The following DDO variants were observed in gnomAD, a reference collection of about 807,000 sequenced individuals.
The protein encoded by DDO is D-aspartate oxidase.
A neutral mutation model predicts 16.8 loss-of-function variants in DDO; 16 were observed. The ratio of observed to expected loss-of-function variants is 0.95; its 90% CI spans 0.65 to 1.45. DDO has a LOEUF of 1.45. Among genes scored for constraint, DDO ranks in the 40% most tolerant of loss-of-function variants. The probability of loss-of-function intolerance (pLI) is 0.00; values close to 1 mark genes in which losing one functional copy is unlikely to be tolerated. For synonymous variants in DDO, 180 were observed against 167.2 expected (o/e 1.08, Z -0.59); for missense variants, 429 against 420.3 (o/e 1.02, Z -0.18).
At chr6:110,405,094 T>C in intron 3 of DDO, 144 bp from the exon 4 acceptor site, 1 of 815,818 alleles carries the variant, frequency 1.2e-6, no homozygotes, top group South Asian at 1.9e-5. Flanking sequence ...GGGAGTGCAG[T>C]GGCACAATCA....
chr6:110,398,659 G>A (rs1401385428), intron 4 of DDO, among the ~76,000 whole-genome samples: 1 of 152,180 alleles, frequency 6.6e-6, no homozygotes, highest in Non-Finnish European at 1.5e-5. Flanking sequence ...GGCTAATGAT[G>A]GTGCTGAGGA....
chr6:110,391,016 A>T (rs1773089117), downstream of DDO, among the ~76,000 whole-genome samples: 1 of 152,216 alleles, frequency 6.6e-6, no homozygotes, highest in Admixed American at 6.5e-5. Context: ...TCTGAATCTG[A>T]TACAACACCA....
Position 110,404,916 on chromosome 6 carries a change from C to G in DDO, c.316G>C (p.Val106Leu). 6.2e-7 allele frequency: 1 copy of G among 1,614,222 alleles called. No individual in the cohort carries two copies. Among genetic ancestry groups the G allele is most frequent in the Non-Finnish European group, 8.5e-7 (1 of 1,180,040 alleles). The change falls in exon 4 of 5, where the codon GTG becomes CTG. Residue 106 changes from valine (V) to leucine (L), a missense_variant. Coordinates refer to ENST00000368924, the MANE Select transcript of DDO (RefSeq NM_001372108.2). ...AGAACCACGTCAGCCCAGAATGGCA[C>G]TTCTTCAGTCGGAGTGCTCTGAAAT... ...QIFQSTPTEEVPFWADVVLGF... is the reference protein window; with the variant it reads ...QIFQSTPTEELPFWADVVLGF...
At position 110,408,241 on chromosome 6, in the gene DDO, C is replaced by T. The variant is rs924272722; in HGVS notation, c.281+93G>A. On this transcript the variant is annotated intron_variant, in intron 3 of 4. Coordinates refer to ENST00000368924, the MANE Select transcript of DDO (RefSeq NM_001372108.2). Reference sequence around the variant, plus strand: ...CCTGCATCTAAGTCAGCACTCTGCTCACAACAGCTACTCAGTAAATATTTT... The same window carrying T: ...CCTGCATCTAAGTCAGCACTCTGCTTACAACAGCTACTCAGTAAATATTTT... 9.9e-6 allele frequency: 12 copies of T among 1,209,592 alleles called. 1 individual carries two copies. The African/African-American group carries it at 1.8e-4, about 18-fold the overall frequency. 74.9% of individuals were successfully genotyped at this position (1,209,592 alleles called of 1,614,324 possible). A position where few individuals can be genotyped will look rare whatever the true frequency, so the allele number is the denominator to read the frequency against.
In DDO at chr6:110,411,151, C is replaced by G. The variant is rs1036331045; in HGVS notation, c.172+2140G>C. On this transcript the variant is annotated intron_variant, in intron 2 of 4. Coordinates refer to ENST00000368924, the MANE Select transcript of DDO (RefSeq NM_001372108.2). ...ACATGGAACCCTCTTCCCTGGGAAA[C>G]AGGACCCGCCCAAGAAGAAAAACTT... Among the ~76,000 whole-genome samples, 47 of 152,112 alleles carry G rather than the reference C, an allele frequency of 3.1e-4. 2 individuals carry two copies. The highest frequency in any genetic ancestry group is 2.9e-5 in the Non-Finnish European group (2 of 68,012).
chr6:110,388,733 C>G, downstream of DDO: 2 of 917,152 alleles, frequency 2.2e-6, no homozygotes, highest in Non-Finnish European at 1.3e-6. Context: ...GTCACAGACA[C>G]AGCAGGCAGA....
intron 4 of DDO, 112 bp downstream of exon 4, chr6:110,404,662 C>T (rs894525509): frequency 3.4e-5 from 41 of 1,207,512 alleles, no homozygotes; most frequent in Non-Finnish European, 4.7e-5. Context: ...CAAGGCAACG[C>T]GAAAGAGCTC....
chr6:110,408,558 TAAG>T (rs1773739550), intron 2 of DDO, 116 bp from the exon 3 acceptor site: 1 of 820,650 alleles, frequency 1.2e-6, no homozygotes, highest in South Asian at 1.7e-5. Context: ...AAAAATAAAA[TAAG>T]GAGGCAGGGA....
chr6:110,409,316 G>T (rs550721083), intron 2 of DDO, among the ~76,000 whole-genome samples: 2 of 152,216 alleles, frequency 1.3e-5, no homozygotes, highest in African/African-American at 4.8e-5. Flanking sequence ...GTATGTGGCC[G>T]TCTGATTCCT....
At chr6:110,407,248 A>G (rs1034079071) in intron 3 of DDO, among the ~76,000 whole-genome samples, 1 of 152,214 alleles carries the variant, frequency 6.6e-6, no homozygotes, top group East Asian at 1.9e-4. Flanking sequence ...GGATTTGGAC[A>G]AAGAGTGTGA....
chr6:110,410,123 G>A (rs1433152849), intron 2 of DDO, among the ~76,000 whole-genome samples: 1 of 152,258 alleles, frequency 6.6e-6, no homozygotes, highest in African/African-American at 2.4e-5. Flanking sequence ...ACAGGAGATA[G>A]TTATGACTGG....
intron 4 of DDO, among the ~76,000 whole-genome samples, chr6:110,395,713 G>A (rs1487574414): frequency 2.0e-5 from 3 of 152,196 alleles, no homozygotes; most frequent in African/African-American, 7.2e-5. Flanking sequence ...TTCTGCAATG[G>A]TGGTCAATGA....
intron 2 of DDO, among the ~76,000 whole-genome samples, chr6:110,410,382 G>A (rs796304558): frequency 3.1e-4 from 47 of 152,340 alleles, no homozygotes; most frequent in African/African-American, 1.1e-3. Context: ...CTGGAAAATG[G>A]TCCCAAGAAC....
At chr6:110,389,237 C>G (rs1368763884), downstream of DDO, among the ~76,000 whole-genome samples, 1 of 152,202 alleles carries the variant, frequency 6.6e-6, no homozygotes, top group Non-Finnish European at 1.5e-5. Context: ...GGCCTTCAGA[C>G]TTACTCCACT....
In DDO at chr6:110,393,065, G is replaced by A; in HGVS notation, c.736C>T (p.Pro246Ser). 6.2e-7 allele frequency: 1 copy of A among 1,613,292 alleles called. No homozygotes were observed. The highest frequency in any genetic ancestry group is 8.5e-7 in the Non-Finnish European group (1 of 1,179,224). ...ATCTCTCTGCTATTTTCTGCATCCG[G>A]GGACAGATTCCAGTCCCCTTTTTGC... ...TRQKGDWNLS[P>S]DAENSREILS... The change falls in exon 5 of 5, where the codon CCG (proline) becomes TCG (serine). Residue 246 changes from proline to serine, a missense_variant. By Grantham distance (74) the Pro-to-Ser change is moderately conservative. Coordinates refer to ENST00000368924, the MANE Select transcript of DDO (RefSeq NM_001372108.2).
Position 110,393,144 on chromosome 6 carries a change from A to G in DDO, c.657T>C (p.Ser219=). Residue 219 remains serine, a synonymous_variant, in exon 5 of 5, where the codon AGT becomes AGC. Transcript: ENST00000368924. The part of the protein sequence containing the change: ...PWVEHFIRDG[S]GLTYIYPGTS... ...TACCAGGATAAATATATGTCAGCCCACTGCCATCTCGGATAAAATGCTCCA... is the reference window on the plus strand; with the variant it reads ...TACCAGGATAAATATATGTCAGCCCGCTGCCATCTCGGATAAAATGCTCCA... 1 of 1,614,166 alleles carries G rather than the reference A, an allele frequency of 6.2e-7. No individual in the cohort carries two copies. The highest frequency in any genetic ancestry group is 8.5e-7 in the Non-Finnish European group (1 of 1,179,974).
chr6:110,405,998 A>G (rs563744226), intron 3 of DDO, among the ~76,000 whole-genome samples: 1 of 152,318 alleles, frequency 6.6e-6, no homozygotes, highest in Non-Finnish European at 1.5e-5. Flanking sequence ...CGGAATATGT[A>G]TCTCTAGGTA....
downstream of DDO, among the ~76,000 whole-genome samples, chr6:110,391,141 A>T (rs1416208973): frequency 1.3e-5 from 2 of 152,208 alleles, no homozygotes; most frequent in Non-Finnish European, 2.9e-5. Flanking sequence ...CTCACTGTCT[A>T]CCAGCAGAAT....
intron 4 of DDO, among the ~76,000 whole-genome samples, chr6:110,401,068 C>T (rs1444023991): frequency 6.6e-6 from 1 of 152,190 alleles, no homozygotes; most frequent in Non-Finnish European, 1.5e-5. Context: ...AAGGAGTGGC[C>T]AAGGACAACT....
Sources: gnomAD v4.1 joint callset for allele counts (sites outside exome capture counted in the v4.1 genomes callset) on GRCh38, gnomAD v4.1.1 for gene constraint, MANE v1.5 for transcripts, NCBI Gene and HGNC (gene_info 2026-07-23, HGNC 2026-07-21) for gene names.